Variants in NPTN observed in about 807,000 individuals in gnomAD.
The protein encoded by NPTN is neuroplastin.
In NPTN, 5 loss-of-function variants were observed where a neutral mutation model predicts 42.7. That is an observed-to-expected ratio of 0.12 (90% confidence interval 0.06 to 0.25). The LOEUF (loss-of-function observed/expected upper bound fraction) is 0.25. NPTN is among the 10% of genes least tolerant of loss of function. The probability of loss-of-function intolerance (pLI) is 1.00; values close to 1 mark genes in which losing one functional copy is unlikely to be tolerated. For missense variants in NPTN, 307 were observed against 525.4 expected (o/e 0.58, Z 4.06); for synonymous variants, 180 against 201.9 (o/e 0.89, Z 0.92).
At chr15:73,626,227 T>C (rs1309441913) in intron 1 of NPTN, among the ~76,000 whole-genome samples, 1 of 152,366 alleles carries the variant, frequency 6.6e-6, no homozygotes, top group East Asian at 1.9e-4. Context: ...GGCAGGAATA[T>C]TCACTTCTTT....
intron 2 of NPTN, among the ~76,000 whole-genome samples, chr15:73,596,602 G>A (rs1264273476): frequency 6.6e-6 from 1 of 152,128 alleles, no homozygotes; most frequent in Non-Finnish European, 1.5e-5. Flanking sequence ...CAAAAGTATA[G>A]CAGGAAACCT....
intron 1 of NPTN, among the ~76,000 whole-genome samples, chr15:73,618,433 CTCTG>C (rs1897967915): frequency 6.6e-6 from 1 of 152,142 alleles, no homozygotes; most frequent in East Asian, 1.9e-4. Context: ...ACCACTACCT[CTCTG>C]TCTAAAAAGG....
intron 1 of NPTN, among the ~76,000 whole-genome samples, chr15:73,612,919 C>G (rs1051875773): frequency 2.0e-5 from 3 of 152,108 alleles, no homozygotes; most frequent in Non-Finnish European, 4.4e-5. Flanking sequence ...CGTTAAATGC[C>G]CAGGAGAATA....
In NPTN at chr15:73,591,743, G is replaced by A; in HGVS notation, c.611+223C>T. 4 of 395,598 alleles carry A rather than the reference G, an allele frequency of 1.0e-5. 1 individual carries two copies. In the East Asian group the frequency reaches 1.2e-4, roughly 12 times the overall value. The allele number at this position is 395,598 out of a possible 1,614,324, so 24.5% of individuals were successfully genotyped here. A position where few individuals can be genotyped will look rare whatever the true frequency, so the allele number is the denominator to read the frequency against. Reference sequence around the variant, plus strand: ...CAGCCTCAGTTTCTCTATGATTATAGTGAGGGGATCATCTATGATTCTCCA... The same window carrying A: ...CAGCCTCAGTTTCTCTATGATTATAATGAGGGGATCATCTATGATTCTCCA... On this transcript the variant is annotated intron_variant, in intron 3 of 8. Transcript: ENST00000345330.
At chr15:73,599,648 A>AAGAG (rs1555410255) in intron 1 of NPTN, 1 of 143,808 alleles carries the variant, frequency 7.0e-6, no homozygotes, top group African/African-American at 2.6e-5. Context: ...AAAGAAAAGG[A>AAGAG]AGGGAGGGAG....
intron 1 of NPTN, among the ~76,000 whole-genome samples, chr15:73,629,360 A>G (rs1331891227): frequency 6.6e-6 from 1 of 152,230 alleles, no homozygotes; most frequent in Non-Finnish European, 1.5e-5. Flanking sequence ...GCTGCCATAG[A>G]TAAGATGTGT....
intron 4 of NPTN, among the ~76,000 whole-genome samples, chr15:73,576,479 C>A (rs1413630809): frequency 6.6e-6 from 1 of 152,144 alleles, no homozygotes; most frequent in Non-Finnish European, 1.5e-5. Context: ...TAGGCATCTG[C>A]CACCATACCT....
intron 4 of NPTN, among the ~76,000 whole-genome samples, chr15:73,586,594 C>T (rs1448571485): frequency 6.6e-6 from 1 of 152,186 alleles, no homozygotes; most frequent in African/African-American, 2.4e-5. Context: ...TTTTAACCTT[C>T]CAAATATTTT....
chr15:73,589,220 C>G (rs1216655657), intron 3 of NPTN, among the ~76,000 whole-genome samples: 1 of 151,940 alleles, frequency 6.6e-6, no homozygotes, highest in African/African-American at 2.4e-5. Flanking sequence ...GTCCTAGCTA[C>G]TCGGGAGGCT....
chr15:73,601,890 A>AAG, intron 1 of NPTN, among the ~76,000 whole-genome samples: 1 of 152,184 alleles, frequency 6.6e-6, no homozygotes, highest in Non-Finnish European at 1.5e-5. Context: ...AAATGGAGGC[A>AAG]GCAAACCCAA....
chr15:73,562,530 G>A (rs1476041677), intron 7 of NPTN, among the ~76,000 whole-genome samples: 1 of 152,136 alleles, frequency 6.6e-6, no homozygotes, highest in Non-Finnish European at 1.5e-5. Context: ...ATCATAAGCT[G>A]GCAGTGCTGG....
intron 4 of NPTN, among the ~76,000 whole-genome samples, chr15:73,580,677 G>GT (rs1437879021): frequency 6.7e-6 from 1 of 149,060 alleles, no homozygotes; most frequent in Non-Finnish European, 1.5e-5. Flanking sequence ...TGTATTACTG[G>GT]TAACTGCAGA....
intron 5 of NPTN, among the ~76,000 whole-genome samples, chr15:73,571,249 C>T (rs1250630634): frequency 6.6e-6 from 1 of 152,170 alleles, no homozygotes; most frequent in African/African-American, 2.4e-5. Context: ...CAGATCAAGA[C>T]CCTGTCTTAA....
rs984404503 is a variant in NPTN at position 73,562,050 on chromosome 15, T to C, written c.1137-80A>G. On this transcript the variant is annotated intron_variant, in intron 7 of 8. Coordinates refer to ENST00000345330, the MANE Select transcript of NPTN (RefSeq NM_012428.4). Reference sequence around the variant, plus strand: ...GTATAACACATGGAAATACAGGGACTCTTTCACTTACTGCCATCCCTGGTG... The same window carrying C: ...GTATAACACATGGAAATACAGGGACCCTTTCACTTACTGCCATCCCTGGTG... 20 of 1,021,980 alleles carry C rather than the reference T, an allele frequency of 2.0e-5. No homozygotes were observed. The African/African-American group carries it at 2.0e-4, about 10-fold the overall frequency. The allele number at this position is 1,021,980 out of a possible 1,614,324, so 63.3% of individuals were successfully genotyped here.
intron 1 of NPTN, among the ~76,000 whole-genome samples, chr15:73,624,531 AAGTTTTTCACAGAT>A (rs1370752614): frequency 6.6e-6 from 1 of 152,224 alleles, no homozygotes; most frequent in Admixed American, 6.5e-5. Flanking sequence ...ATGAATTTAG[AAGTTTTTCACAGAT>A]AGTTGCCAAC....
At chr15:73,579,952 G>A (rs180821790) in intron 4 of NPTN, among the ~76,000 whole-genome samples, 5 of 152,250 alleles carry the variant, frequency 3.3e-5, no homozygotes, top group African/African-American at 9.6e-5. Flanking sequence ...AAACTGTGAG[G>A]TGGTAAGTGC....
At chr15:73,599,226 A>G (rs1462585172) in intron 1 of NPTN, among the ~76,000 whole-genome samples, 1 of 152,154 alleles carries the variant, frequency 6.6e-6, no homozygotes, top group African/African-American at 2.4e-5. Context: ...AGCTGAGCTC[A>G]CTGCCCAATA....
intron 4 of NPTN, among the ~76,000 whole-genome samples, chr15:73,581,795 A>G (rs1896058723): frequency 6.6e-6 from 1 of 152,182 alleles, no homozygotes; most frequent in South Asian, 2.1e-4. Flanking sequence ...GAAAGTGATC[A>G]AGATATAAGG....
At chr15:73,587,239 C>A (rs193136267) in intron 4 of NPTN, among the ~76,000 whole-genome samples, 2 of 152,256 alleles carry the variant, frequency 1.3e-5, no homozygotes, top group Admixed American at 1.3e-4. Flanking sequence ...CTTATTTAAT[C>A]CTCCTAAATA....
Sources: gnomAD v4.1 joint callset for allele counts (sites outside exome capture counted in the v4.1 genomes callset) on GRCh38, gnomAD v4.1.1 for gene constraint, MANE v1.5 for transcripts, NCBI Gene and HGNC (gene_info 2026-07-23, HGNC 2026-07-21) for gene names.